Variants in AFG2A observed in about 807,000 individuals in gnomAD.
AFG2A encodes the protein AAA ATPase AFG2A.
At chr4:123,115,609 G>A in the AFG2A span, among the ~76,000 whole-genome samples, 19 of 152,132 alleles carry the variant, frequency 1.2e-4, no homozygotes, top group South Asian at 2.3e-3. Flanking sequence ...AGGTCAGCCC[G>A]GCCCCACCTG....
the AFG2A span, chr4:122,936,187 A>G: frequency 1.3e-6 from 2 of 1,562,822 alleles, no homozygotes; most frequent in African/African-American, 1.4e-5. Flanking sequence ...TTTTGGAATT[A>G]ATAATCAAGG....
chr4:123,116,985 T>C, the AFG2A span, among the ~76,000 whole-genome samples: 2 of 152,210 alleles, frequency 1.3e-5, no homozygotes, highest in Non-Finnish European at 2.9e-5. Flanking sequence ...AAATCAATTA[T>C]CTTGGTAGAA....
chr4:123,061,787 G>A, the AFG2A span, among the ~76,000 whole-genome samples: 3 of 152,140 alleles, frequency 2.0e-5, no homozygotes, highest in African/African-American at 7.2e-5. Context: ...TTTTAAGATG[G>A]CACAGAGTGT....
At chr4:123,108,068 C>T in the AFG2A span, among the ~76,000 whole-genome samples, 386 of 152,292 alleles carry the variant, frequency 2.5e-3, 4 homozygotes, top group African/African-American at 9.0e-3. Context: ...GGCTCCTGCC[C>T]GTTCGCAGCC....
chr4:123,303,590 C>T, the AFG2A span, among the ~76,000 whole-genome samples: 3 of 151,894 alleles, frequency 2.0e-5, no homozygotes, highest in African/African-American at 7.3e-5. Context: ...CATGGTAAGA[C>T]TTCATCTCTA....
At chr4:123,064,244 T>C in the AFG2A span, among the ~76,000 whole-genome samples, 1 of 152,134 alleles carries the variant, frequency 6.6e-6, no homozygotes, top group Admixed American at 6.5e-5. Flanking sequence ...TTTGGGAAAA[T>C]TAAAAATGCT....
the AFG2A span, among the ~76,000 whole-genome samples, chr4:123,156,299 G>T: frequency 6.6e-6 from 1 of 152,038 alleles, no homozygotes; most frequent in Admixed American, 6.6e-5. Context: ...TTGAACCAGG[G>T]GTAGAATACT....
the AFG2A span, among the ~76,000 whole-genome samples, chr4:123,082,523 C>CTTTTTTTTTT: frequency 7.1e-6 from 1 of 141,256 alleles, no homozygotes; most frequent in African/African-American, 2.6e-5. Context: ...TCTCTTTTTT[C>CTTTTTTTTTT]TTTTTTTTTT....
At chr4:123,044,959 T>G in the AFG2A span, among the ~76,000 whole-genome samples, 1 of 152,050 alleles carries the variant, frequency 6.6e-6, no homozygotes, top group Non-Finnish European at 1.5e-5. Flanking sequence ...CCTCATAATT[T>G]TAATGTTTTC....
At chr4:123,008,156 T>A in the AFG2A span, among the ~76,000 whole-genome samples, 1 of 152,198 alleles carries the variant, frequency 6.6e-6, no homozygotes, top group Non-Finnish European at 1.5e-5. Flanking sequence ...CATCTCTTTC[T>A]GCTGAGGCCT....
At chr4:122,934,070 A>C in the AFG2A span, 2 of 1,535,634 alleles carry the variant, frequency 1.3e-6, no homozygotes, top group Non-Finnish European at 1.7e-6. Context: ...TTATGCTAAC[A>C]TGTATATTTA....
chr4:122,947,272 A>C, the AFG2A span: 2 of 1,611,748 alleles, frequency 1.2e-6, no homozygotes, highest in Non-Finnish European at 1.7e-6. Flanking sequence ...TGGGGCCACA[A>C]ATCGCCCTCA....
At chr4:123,112,365 TG>T in the AFG2A span, among the ~76,000 whole-genome samples, 1 of 152,204 alleles carries the variant, frequency 6.6e-6, no homozygotes, top group African/African-American at 2.4e-5. Context: ...CTCAGATTCT[TG>T]GGATTAAAAT....
chr4:122,934,819 A>G, the AFG2A span: 1 of 1,468,840 alleles, frequency 6.8e-7, no homozygotes, highest in Non-Finnish European at 9.1e-7. Context: ...ATGATTGCTC[A>G]TCCTCTTTTC....
the AFG2A span, among the ~76,000 whole-genome samples, chr4:123,211,053 T>C: frequency 6.6e-6 from 1 of 152,170 alleles, no homozygotes; most frequent in Non-Finnish European, 1.5e-5. Context: ...CATATTAGTG[T>C]TATTGCATTT....
the AFG2A span, among the ~76,000 whole-genome samples, chr4:123,178,115 G>C: frequency 6.6e-6 from 1 of 152,148 alleles, no homozygotes; most frequent in Non-Finnish European, 1.5e-5. Flanking sequence ...TGAAAATGCT[G>C]AGTTTTTTTG....
the AFG2A span, among the ~76,000 whole-genome samples, chr4:122,957,246 C>T: frequency 2.0e-5 from 3 of 152,206 alleles, no homozygotes; most frequent in Admixed American, 1.3e-4. Context: ...GTGTGAATGA[C>T]TTACACTTAT....
the AFG2A span, among the ~76,000 whole-genome samples, chr4:123,138,462 A>C: frequency 5.9e-5 from 9 of 152,328 alleles, no homozygotes; most frequent in South Asian, 1.9e-3. Flanking sequence ...TTTTTAAGAC[A>C]TATTTCATAC....
chr4:123,298,352 G>A, the AFG2A span, among the ~76,000 whole-genome samples: 1 of 152,172 alleles, frequency 6.6e-6, no homozygotes, highest in Non-Finnish European at 1.5e-5. Flanking sequence ...TCTCTTCATC[G>A]AGACGGAATC....
Sources: allele counts gnomAD v4.1 joint callset (sites outside exome capture counted in the v4.1 genomes callset), GRCh38; gene constraint gnomAD v4.1.1; transcripts MANE v1.5; gene names NCBI Gene and HGNC (gene_info 2026-07-23, HGNC 2026-07-21).